Variants in ENOX1 observed in about 807,000 individuals in gnomAD.
The protein encoded by ENOX1 is ecto-NOX disulfide-thiol exchanger 1.
In ENOX1, 42 loss-of-function variants were observed where a neutral mutation model predicts 82.5. That is an observed-to-expected ratio of 0.51 (90% CI 0.40 to 0.66). ENOX1 has a LOEUF of 0.66. Ranked by LOEUF, ENOX1 falls within the 30% of genes least tolerant of loss-of-function variation. The pLI is 0.00. For synonymous variants in ENOX1, 271 were observed against 282.2 expected (o/e 0.96, Z 0.40); for missense variants, 608 against 811.6 (o/e 0.75, Z 3.05).
intron 2 of ENOX1, among the ~76,000 whole-genome samples, chr13:43,583,810 G>T: frequency 6.9e-6 from 1 of 144,416 alleles, no homozygotes. Context: ...TCTCCTATCA[G>T]ATATAAACTT....
At chr13:43,485,774 C>T (rs1294767093) in intron 2 of ENOX1, among the ~76,000 whole-genome samples, 1 of 152,182 alleles carries the variant, frequency 6.6e-6, no homozygotes, top group Non-Finnish European at 1.5e-5. Flanking sequence ...TACTTCATAC[C>T]ACTCAGAAAC....
At chr13:43,781,491 T>A (rs2153850903) in intron 1 of ENOX1, among the ~76,000 whole-genome samples, 1 of 152,248 alleles carries the variant, frequency 6.6e-6, no homozygotes, top group East Asian at 1.9e-4. Flanking sequence ...TACACAGTTC[T>A]CCCAATCAAA....
chr13:43,495,899 A>G (rs4942234), intron 2 of ENOX1, among the ~76,000 whole-genome samples: 148,541 of 152,098 alleles, frequency 0.98, 72,645 homozygotes, highest in East Asian at 1. Context: ...ACTTAAATTT[A>G]CATTTCCATC....
intron 14 of ENOX1, among the ~76,000 whole-genome samples, chr13:43,241,375 G>A (rs140013125): frequency 6.8e-4 from 104 of 152,306 alleles, no homozygotes; most frequent in Middle Eastern, 6.8e-3. Context: ...CAGATGCCTA[G>A]CAATTACAAA....
chr13:43,620,443 G>A (rs1386404549), intron 2 of ENOX1, among the ~76,000 whole-genome samples: 1 of 152,014 alleles, frequency 6.6e-6, no homozygotes, highest in African/African-American at 2.4e-5. Context: ...GATAGGTTGT[G>A]TCATTACTGT....
intron 8 of ENOX1, among the ~76,000 whole-genome samples, chr13:43,346,627 T>C (rs1176713721): frequency 6.6e-6 from 1 of 152,242 alleles, no homozygotes; most frequent in East Asian, 1.9e-4. Context: ...AATGGTTTCT[T>C]ATCTCATTTC....
intron 3 of ENOX1, among the ~76,000 whole-genome samples, chr13:43,428,108 CTCAAACTCTCGACTTCAGTT>C (rs1268821542): frequency 6.6e-6 from 1 of 152,162 alleles, no homozygotes; most frequent in Non-Finnish European, 1.5e-5. Context: ...AGTCAGCCTT[CTCAAACTCTCGACTTCAGTT>C]TTAGAAGTAG....
intron 15 of ENOX1, among the ~76,000 whole-genome samples, chr13:43,236,121 T>C (rs2042537507): frequency 6.6e-6 from 1 of 152,196 alleles, no homozygotes; most frequent in Non-Finnish European, 1.5e-5. Flanking sequence ...GGATCCATAC[T>C]TGGACAGGGA....
At chr13:43,514,610 A>G (rs1029665172) in intron 2 of ENOX1, among the ~76,000 whole-genome samples, 56 of 152,074 alleles carry the variant, frequency 3.7e-4, no homozygotes, top group African/African-American at 1.2e-3. Flanking sequence ...GCTTCACCCA[A>G]TCCAACCAGC....
chr13:43,728,695 T>C (rs2089144334), intron 1 of ENOX1, among the ~76,000 whole-genome samples: 1 of 152,148 alleles, frequency 6.6e-6, no homozygotes, highest in Non-Finnish European at 1.5e-5. Context: ...GACTGGGAGA[T>C]GCACTGGGAA....
intron 14 of ENOX1, among the ~76,000 whole-genome samples, chr13:43,261,767 C>T (rs2044075249): frequency 7.1e-6 from 1 of 140,966 alleles, no homozygotes. Flanking sequence ...CATATTCTCA[C>T]TCATAGATGG....
intron 1 of ENOX1, among the ~76,000 whole-genome samples, chr13:43,735,522 C>G (rs1394055617): frequency 6.6e-6 from 1 of 152,080 alleles, no homozygotes; most frequent in Non-Finnish European, 1.5e-5. Flanking sequence ...GAGTTCAAGA[C>G]CAGCCTGGGT....
At chr13:43,420,040 A>G (rs571629481) in intron 3 of ENOX1, among the ~76,000 whole-genome samples, 1 of 152,270 alleles carries the variant, frequency 6.6e-6, no homozygotes, top group South Asian at 2.1e-4. Flanking sequence ...ATTTTATAAG[A>G]ACTCTCCATT....
chr13:43,571,253 A>G (rs2153711095), intron 2 of ENOX1, among the ~76,000 whole-genome samples: 1 of 152,342 alleles, frequency 6.6e-6, no homozygotes, highest in East Asian at 1.9e-4. Context: ...GATGTAAGTC[A>G]CATTCTCCAA....
intron 1 of ENOX1, among the ~76,000 whole-genome samples, chr13:43,741,957 A>G (rs1409875596): frequency 1.3e-5 from 2 of 152,226 alleles, no homozygotes; most frequent in Non-Finnish European, 2.9e-5. Flanking sequence ...TTTTGCATGT[A>G]GAGATTCAGT....
chr13:43,573,525 G>A (rs549531941), intron 2 of ENOX1, among the ~76,000 whole-genome samples: 117 of 152,284 alleles, frequency 7.7e-4, no homozygotes, highest in African/African-American at 2.7e-3. Context: ...CGTGACATTA[G>A]CATGAATAAA....
At chr13:43,739,053 T>C (rs1230380680) in intron 1 of ENOX1, among the ~76,000 whole-genome samples, 1 of 152,174 alleles carries the variant, frequency 6.6e-6, no homozygotes, top group African/African-American at 2.4e-5. Context: ...ATTTCCTCTA[T>C]CTCCAACTGT....
intron 9 of ENOX1, among the ~76,000 whole-genome samples, chr13:43,333,101 C>T (rs549290012): frequency 1.3e-5 from 2 of 152,298 alleles, no homozygotes; most frequent in South Asian, 4.1e-4. Flanking sequence ...TCTTGGAAAT[C>T]TATTCATATG....
intron 1 of ENOX1, among the ~76,000 whole-genome samples, chr13:43,687,283 G>C (rs950664884): frequency 6.6e-6 from 1 of 152,154 alleles, no homozygotes; most frequent in Non-Finnish European, 1.5e-5. Context: ...TCTCTAACTA[G>C]GACAAAAGTA....
Sources: gnomAD v4.1 joint callset for allele counts (sites outside exome capture counted in the v4.1 genomes callset) on GRCh38, gnomAD v4.1.1 for gene constraint, MANE v1.5 for transcripts, NCBI Gene and HGNC (gene_info 2026-07-23, HGNC 2026-07-21) for gene names.